FRMD4A: variants seen among roughly 807,000 people sequenced by gnomAD.
FRMD4A encodes FERM domain containing 4A, also known as FERM domain-containing protein 4A.
In FRMD4A, 29 loss-of-function variants were observed where a neutral mutation model predicts 129.1. The observed-to-expected ratio is 0.22, with a 90% CI of 0.17 to 0.31. The LOEUF is 0.31. FRMD4A is among the 10% of genes least tolerant of loss of function. The pLI, the probability that FRMD4A is intolerant of heterozygous loss-of-function variation, is 1.00. For missense variants in FRMD4A, 1,272 were observed against 1,375.8 expected (o/e 0.92, Z 1.19); for synonymous variants, 634 against 571.6 (o/e 1.11, Z -1.56).
intron 2 of FRMD4A, among the ~76,000 whole-genome samples, chr10:14,255,104 G>A (rs1247634304): frequency 6.6e-6 from 1 of 152,208 alleles, no homozygotes; most frequent in Admixed American, 6.5e-5. Flanking sequence ...ATCAGCAGTG[G>A]CTATCTGTTG....
intron 12 of FRMD4A, among the ~76,000 whole-genome samples, chr10:13,734,063 G>A (rs2090476603): frequency 6.6e-6 from 1 of 152,112 alleles, no homozygotes; most frequent in South Asian, 2.1e-4. Context: ...TCCCTCATCT[G>A]TCACTCCCAG....
intron 22 of FRMD4A, 120 bp downstream of exon 22, chr10:13,656,516 T>C: frequency 1.7e-6 from 2 of 1,172,104 alleles, no homozygotes; most frequent in Non-Finnish European, 2.2e-6. Context: ...CAGAATTAAT[T>C]AATGATTCCC....
chr10:13,890,822 G>GC lies in FRMD4A; in HGVS notation c.46-31911_46-31910insG, dbSNP rs1366854662. The GC allele has an allele frequency of 4.1e-6, 4 of 985,206 alleles. No homozygotes were observed. In the African/African-American group the frequency reaches 7.0e-5, roughly 17 times the overall value. The allele number at this position is 985,206 out of a possible 1,614,324, so 61.0% of individuals were successfully genotyped here. A position where few individuals can be genotyped will look rare whatever the true frequency, so the allele number is the denominator to read the frequency against. ...CTGGCATGGCTGCATCGTTCAGAAT[G>GC]AGGATGTCTATTAAGAAGCCGTCGC... is the stretch of plus-strand genomic sequence containing the variant. On this transcript the variant is annotated intron_variant, in intron 2 of 24. Coordinates refer to ENST00000357447, the MANE Select transcript of FRMD4A (RefSeq NM_018027.5).
intron 2 of FRMD4A, among the ~76,000 whole-genome samples, chr10:14,261,784 G>T (rs909765170): frequency 1.3e-5 from 2 of 152,054 alleles, no homozygotes; most frequent in African/African-American, 4.8e-5. Context: ...AGACAGGAGG[G>T]ATCGTTTTTT....
chr10:14,287,919 T>G (rs1339613765), intron 2 of FRMD4A, among the ~76,000 whole-genome samples: 1 of 152,078 alleles, frequency 6.6e-6, no homozygotes, highest in African/African-American at 2.4e-5. Flanking sequence ...ACAGCTCTTA[T>G]CCAAAAATCT....
intron 5 of FRMD4A, among the ~76,000 whole-genome samples, chr10:13,784,921 G>T (rs551615111): frequency 1.5e-4 from 23 of 151,822 alleles, no homozygotes; most frequent in African/African-American, 5.6e-4. Context: ...AACCCAGGAG[G>T]GGGAGGTTGC....
chr10:13,865,103 C>T (rs2131061193), intron 2 of FRMD4A, among the ~76,000 whole-genome samples: 1 of 152,216 alleles, frequency 6.6e-6, no homozygotes, highest in African/African-American at 2.4e-5. Flanking sequence ...GCCTCCCAGA[C>T]AAGCACTGGA....
chr10:14,077,004 GAGA>G (rs1835649892), intron 2 of FRMD4A, among the ~76,000 whole-genome samples: 1 of 152,184 alleles, frequency 6.6e-6, no homozygotes, highest in Non-Finnish European at 1.5e-5. Flanking sequence ...GAGGCTTACA[GAGA>G]AGATAGCTCT....
intron 4 of FRMD4A, 41 bp downstream of exon 4, chr10:13,810,769 CACTG>C: frequency 1.9e-6 from 2 of 1,046,788 alleles, no homozygotes; most frequent in African/African-American, 3.1e-5. Context: ...TCGGGTTCTG[CACTG>C]ACTCTCCCTT....
At chr10:13,940,769 T>C (rs2095285366) in intron 2 of FRMD4A, among the ~76,000 whole-genome samples, 1 of 152,198 alleles carries the variant, frequency 6.6e-6, no homozygotes, top group African/African-American at 2.4e-5. Context: ...CATTTTATCT[T>C]TCCAAGCAGC....
intron 2 of FRMD4A, among the ~76,000 whole-genome samples, chr10:14,276,454 A>AGG (rs1564434229): frequency 6.6e-6 from 1 of 152,226 alleles, no homozygotes; most frequent in African/African-American, 2.4e-5. Flanking sequence ...CCTCTCAGGG[A>AGG]ACCTATTCAG....
chr10:13,887,450 G>A (rs1469714706), intron 2 of FRMD4A, among the ~76,000 whole-genome samples: 2 of 152,330 alleles, frequency 1.3e-5, no homozygotes, highest in African/African-American at 4.8e-5. Context: ...GGAGGCTGAG[G>A]TGGGCGGATC....
intron 6 of FRMD4A, among the ~76,000 whole-genome samples, chr10:13,779,903 C>G (rs923452179): frequency 1.3e-5 from 2 of 152,134 alleles, no homozygotes; most frequent in Admixed American, 6.5e-5. Flanking sequence ...AGGAATGAAC[C>G]GTTCTTGTCT....
chr10:14,260,025 A>C (rs1213570144), intron 2 of FRMD4A, among the ~76,000 whole-genome samples: 1 of 32,846 alleles, frequency 3.0e-5, no homozygotes, highest in Non-Finnish European at 6.8e-5. Context: ...AGAAATGGCA[A>C]AAAAAAAAAA....
chr10:14,228,965 C>G (rs1843541789), intron 2 of FRMD4A, among the ~76,000 whole-genome samples: 2 of 152,124 alleles, frequency 1.3e-5, no homozygotes, highest in South Asian at 4.1e-4. Flanking sequence ...CACGGTGTGA[C>G]AGTAGCATTA....
intron 8 of FRMD4A, among the ~76,000 whole-genome samples, chr10:13,754,304 C>G (rs1377987455): frequency 6.6e-6 from 1 of 152,032 alleles, no homozygotes; most frequent in African/African-American, 2.4e-5. Flanking sequence ...AAAAAACTAC[C>G]CTATCCCTAT....
chr10:13,776,916 A>T (rs562598873), intron 6 of FRMD4A, among the ~76,000 whole-genome samples: 2 of 152,212 alleles, frequency 1.3e-5, no homozygotes, highest in Non-Finnish European at 2.9e-5. Flanking sequence ...AGAGAAAAAA[A>T]CTCGGGTCTA....
rs1846500022 is a variant in FRMD4A at position 14,310,273 on chromosome 10, C to T, written c.45+19785G>A. Among the ~76,000 whole-genome samples the T allele has an allele frequency of 4.6e-5, 7 of 152,324 alleles. No homozygotes were observed. In the South Asian group the frequency reaches 1.4e-3, roughly 32 times the overall value. ...CCTTCAACTTGCCCGCATCCTAACT[C>T]CCTGAATGAAGGAGCTCTCCTGGTT... is the stretch of plus-strand genomic sequence containing the variant. On this transcript the variant is annotated intron_variant, in intron 2 of 24. Coordinates refer to ENST00000357447, the MANE Select transcript of FRMD4A (RefSeq NM_018027.5).
intron 2 of FRMD4A, among the ~76,000 whole-genome samples, chr10:14,055,288 T>C (rs1209149173): frequency 6.6e-6 from 1 of 152,212 alleles, no homozygotes; most frequent in Admixed American, 6.5e-5. Flanking sequence ...TGGATATGCT[T>C]TGGTGGATCT....
Sources: gnomAD v4.1 joint callset for allele counts (sites outside exome capture counted in the v4.1 genomes callset) on GRCh38, gnomAD v4.1.1 for gene constraint, MANE v1.5 for transcripts, NCBI Gene and HGNC (gene_info 2026-07-23, HGNC 2026-07-21) for gene names.